PTPRG: variants seen among roughly 807,000 people sequenced by gnomAD.
PTPRG encodes the protein receptor-type tyrosine-protein phosphatase gamma.
Under a neutral mutation model 165.3 loss-of-function variants are expected in PTPRG, and 102 were observed. The observed-to-expected ratio is 0.62, with a 90% confidence interval of 0.53 to 0.73. The LOEUF (loss-of-function observed/expected upper bound fraction) is 0.73. Among genes scored for constraint, PTPRG ranks in the 30% least tolerant of loss-of-function variants. The probability of loss-of-function intolerance (pLI) is 0.00; values close to 1 mark genes in which losing one functional copy is unlikely to be tolerated. For missense variants in PTPRG, 1,866 were observed against 1,861.4 expected (o/e 1.00, Z -0.05); for synonymous variants, 675 against 669.5 (o/e 1.01, Z -0.13).
chr3:61,820,895 T>C (rs973504321), intron 2 of PTPRG, among the ~76,000 whole-genome samples: 1 of 152,146 alleles, frequency 6.6e-6, no homozygotes, highest in African/African-American at 2.4e-5. Context: ...CTAACACCTT[T>C]ATTGGACATG....
intron 1 of PTPRG, among the ~76,000 whole-genome samples, chr3:61,595,845 T>A (rs904698539): frequency 2.6e-5 from 4 of 152,224 alleles, no homozygotes; most frequent in African/African-American, 9.6e-5. Context: ...TACTTCTGTT[T>A]CTCTCAGTAA....
intron 6 of PTPRG, among the ~76,000 whole-genome samples, chr3:62,136,968 A>C (rs2106939218): frequency 6.6e-6 from 1 of 152,270 alleles, no homozygotes; most frequent in South Asian, 2.1e-4. Flanking sequence ...GACCACATAA[A>C]GTGCTGTGTC....
At chr3:62,093,856 G>A (rs1021542835) in intron 5 of PTPRG, among the ~76,000 whole-genome samples, 13 of 152,198 alleles carry the variant, frequency 8.5e-5, no homozygotes, top group African/African-American at 3.1e-4. Flanking sequence ...TGGGGGTAGA[G>A]AGGGAAGAAA....
At chr3:61,972,761 T>C (rs1298802694) in intron 2 of PTPRG, among the ~76,000 whole-genome samples, 2 of 151,550 alleles carry the variant, frequency 1.3e-5, no homozygotes, top group Non-Finnish European at 2.9e-5. Flanking sequence ...CAAGTGATAC[T>C]CACACCTTAG....
At chr3:61,883,996 G>C (rs1308635649) in intron 2 of PTPRG, among the ~76,000 whole-genome samples, 1 of 152,168 alleles carries the variant, frequency 6.6e-6, no homozygotes, top group Admixed American at 6.5e-5. Flanking sequence ...GATTACAGGT[G>C]TACAACATTC....
At chr3:61,772,058 T>TGAAA (rs1289053145) in intron 2 of PTPRG, among the ~76,000 whole-genome samples, 1 of 64,782 alleles carries the variant, frequency 1.5e-5, no homozygotes, top group Non-Finnish European at 2.8e-5. Context: ...AGACTCTGTC[T>TGAAA]AAAAAAAAAA....
intron 2 of PTPRG, among the ~76,000 whole-genome samples, chr3:61,784,338 T>A (rs1379566439): frequency 2.6e-5 from 4 of 152,152 alleles, no homozygotes; most frequent in Non-Finnish European, 5.9e-5. Context: ...AACTAATGAT[T>A]TTCCCTTCCT....
At chr3:62,251,129 TATA>T (rs1701404700) in intron 15 of PTPRG, among the ~76,000 whole-genome samples, 1 of 152,142 alleles carries the variant, frequency 6.6e-6, no homozygotes, top group Non-Finnish European at 1.5e-5. Context: ...GGCTCATGCC[TATA>T]ATAATCTCAG....
At chr3:61,754,334 T>C (rs2033560218) in intron 2 of PTPRG, among the ~76,000 whole-genome samples, 1 of 152,244 alleles carries the variant, frequency 6.6e-6, no homozygotes, top group Non-Finnish European at 1.5e-5. Flanking sequence ...GTATGTACTT[T>C]TTGGCCTCCA....
At chr3:62,155,292 C>T (rs1487539474) in intron 6 of PTPRG, among the ~76,000 whole-genome samples, 1 of 152,206 alleles carries the variant, frequency 6.6e-6, no homozygotes. Context: ...TCGCTGTTCA[C>T]CAGTGCTTGG....
intron 14 of PTPRG, among the ~76,000 whole-genome samples, chr3:62,232,984 C>T (rs1700940559): frequency 6.6e-6 from 1 of 152,154 alleles, no homozygotes; most frequent in Admixed American, 6.5e-5. Context: ...GTTTCCTTAT[C>T]TAGAAAATGA....
chr3:61,675,802 A>C (rs1479797326), intron 1 of PTPRG, among the ~76,000 whole-genome samples: 1 of 152,192 alleles, frequency 6.6e-6, no homozygotes, highest in South Asian at 2.1e-4. Context: ...TTTTGCATAC[A>C]TTTTGAATTA....
chr3:61,783,236 A>T (rs2034596609), intron 2 of PTPRG, among the ~76,000 whole-genome samples: 1 of 152,112 alleles, frequency 6.6e-6, no homozygotes. Flanking sequence ...GCTAATTGGG[A>T]GGCTGCGGTG....
rs1702971113 is a variant in PTPRG, at chr3:62,293,486, C to A, written c.*179C>A. 1 of 489,422 alleles carries A rather than the reference C, an allele frequency of 2.0e-6. No individual in the cohort carries two copies. Among genetic ancestry groups the A allele is most frequent in the African/African-American group, 2.0e-5 (1 of 50,516 alleles). The allele number at this position is 489,422 out of a possible 1,614,324, so 30.3% of individuals were successfully genotyped here. ...AATGGTATCCTACTGAGCATTTGCA[C>A]CTCTGTTCATTTCACACAGTGAAAC... On this transcript the variant is annotated 3_prime_UTR_variant, in exon 30 of 30. Transcript: ENST00000474889.
chr3:61,784,387 A>C (rs1192912841), intron 2 of PTPRG, among the ~76,000 whole-genome samples: 1 of 152,196 alleles, frequency 6.6e-6, no homozygotes, highest in African/African-American at 2.4e-5. Context: ...TGCACACCAT[A>C]ATATGTAAAT....
chr3:61,665,360 T>C (rs1350565272), intron 1 of PTPRG, among the ~76,000 whole-genome samples: 1 of 152,110 alleles, frequency 6.6e-6, no homozygotes, highest in Non-Finnish European at 1.5e-5. Context: ...AATGATTTTT[T>C]TATAGCGATA....
Position 62,282,879 on chromosome 3 carries a change from T to C in PTPRG, c.4055+10T>C, listed in dbSNP as rs765659190. ...CCATTGTTCATGATGAGTATGTATC[T>C]GTTTCTTAATTTTAAAATGTAGACC... On this transcript the variant is annotated intron_variant, in intron 28 of 29. Coordinates refer to ENST00000474889, the MANE Select transcript of PTPRG (RefSeq NM_002841.4). 1 of 1,582,016 alleles carries C rather than the reference T, an allele frequency of 6.3e-7. No homozygotes were observed. The highest frequency in any genetic ancestry group is 2.3e-5 in the East Asian group (1 of 43,678).
intron 5 of PTPRG, among the ~76,000 whole-genome samples, chr3:62,090,773 A>G (rs886080284): frequency 6.6e-6 from 1 of 152,170 alleles, no homozygotes; most frequent in Non-Finnish European, 1.5e-5. Flanking sequence ...GCCCTCTGAG[A>G]AGGAGATTCT....
chr3:61,789,953 C>T (rs538087422), intron 2 of PTPRG, among the ~76,000 whole-genome samples: 1 of 152,332 alleles, frequency 6.6e-6, no homozygotes, highest in South Asian at 2.1e-4. Flanking sequence ...AGATCTTGTG[C>T]ATCACATGAT....
Sources: gnomAD v4.1 joint callset for allele counts (sites outside exome capture counted in the v4.1 genomes callset) on GRCh38, gnomAD v4.1.1 for gene constraint, MANE v1.5 for transcripts, NCBI Gene and HGNC (gene_info 2026-07-23, HGNC 2026-07-21) for gene names.